THSD4: variants seen among roughly 807,000 people sequenced by gnomAD.
THSD4 encodes thrombospondin type 1 domain containing 4.
In THSD4, 69 loss-of-function variants were observed where a neutral mutation model predicts 119.0. The observed-to-expected ratio is 0.58, with a 90% CI of 0.48 to 0.71. The LOEUF (loss-of-function observed/expected upper bound fraction) is 0.71. Among genes scored for constraint, THSD4 ranks in the 30% least tolerant of loss-of-function variants. The probability of loss-of-function intolerance (pLI) is 0.00; values close to 1 mark genes in which losing one functional copy is unlikely to be tolerated. For synonymous variants in THSD4, 524 were observed against 540.4 expected, an observed-to-expected ratio of 0.97 and a Z score of 0.42; for missense variants, 1,393 against 1,391.1, an observed-to-expected ratio of 1.00 and a Z score of -0.02.
chr15:71,694,035 G>C (rs1033583707), intron 8 of THSD4, among the ~76,000 whole-genome samples: 1 of 151,672 alleles, frequency 6.6e-6, no homozygotes, highest in African/African-American at 2.4e-5. Context: ...AAGAAAGAAA[G>C]AAAGAAAGAA....
At chr15:71,203,181 G>A (rs2043816900) in intron 3 of THSD4, among the ~76,000 whole-genome samples, 1 of 152,114 alleles carries the variant, frequency 6.6e-6, no homozygotes, top group South Asian at 2.1e-4. Context: ...GTGTTCTTGC[G>A]TGGTGTGAGC....
intron 7 of THSD4, among the ~76,000 whole-genome samples, chr15:71,433,456 G>GTT (rs557632746): frequency 9.6e-4 from 128 of 133,958 alleles, no homozygotes; most frequent in Non-Finnish European, 1.3e-3. Context: ...TTTTTTCTTT[G>GTT]TTTTTTTTTT....
At chr15:71,440,168 A>G (rs995248495) in intron 7 of THSD4, among the ~76,000 whole-genome samples, 17 of 152,172 alleles carry the variant, frequency 1.1e-4, no homozygotes, top group African/African-American at 4.1e-4. Context: ...ATTTAAATGG[A>G]CTGAATATGA....
chr15:71,421,670 G>T (rs1416531583), intron 7 of THSD4, among the ~76,000 whole-genome samples: 2 of 151,982 alleles, frequency 1.3e-5, no homozygotes, highest in African/African-American at 4.8e-5. Context: ...TATTGTACTT[G>T]GTCTTTTATA....
intron 7 of THSD4, among the ~76,000 whole-genome samples, chr15:71,624,295 G>T (rs1053404087): frequency 3.3e-5 from 5 of 152,202 alleles, no homozygotes; most frequent in African/African-American, 4.8e-5. Flanking sequence ...TCAGCTCTGA[G>T]TCTCCAGCCT....
intron 7 of THSD4, among the ~76,000 whole-genome samples, chr15:71,617,941 G>A (rs2050347888): frequency 6.6e-6 from 1 of 152,068 alleles, no homozygotes; most frequent in African/African-American, 2.4e-5. Context: ...TCTCAAAGGG[G>A]CCATTTACCA....
chr15:71,187,334 A>G (rs2043618311), intron 3 of THSD4: 1 of 152,490 alleles, frequency 6.6e-6, no homozygotes, highest in African/African-American at 2.4e-5. Flanking sequence ...AGCTTCTATT[A>G]CTCTTGTGCC....
intron 8 of THSD4, among the ~76,000 whole-genome samples, chr15:71,695,790 G>T (rs1355512276): frequency 6.6e-6 from 1 of 152,130 alleles, no homozygotes; most frequent in Non-Finnish European, 1.5e-5. Flanking sequence ...CTTCCTCATT[G>T]TTAGCTCTGT....
chr15:71,540,834 T>C (rs949841459), intron 7 of THSD4, among the ~76,000 whole-genome samples: 3 of 149,836 alleles, frequency 2.0e-5, no homozygotes, highest in South Asian at 4.3e-4. Flanking sequence ...GTGATTCTCC[T>C]GTCTCAGCCT....
chr15:71,543,728 T>C (rs945355341), intron 7 of THSD4, among the ~76,000 whole-genome samples: 4 of 152,150 alleles, frequency 2.6e-5, no homozygotes, highest in Admixed American at 6.5e-5. Context: ...CAGATGGTTG[T>C]AGAGAATCAC....
intron 6 of THSD4, among the ~76,000 whole-genome samples, chr15:71,389,600 G>A (rs1481041396): frequency 6.6e-6 from 1 of 151,824 alleles, no homozygotes; most frequent in African/African-American, 2.4e-5. Flanking sequence ...ATGAATGTGA[G>A]CGTATTCATA....
intron 7 of THSD4, among the ~76,000 whole-genome samples, chr15:71,546,091 G>C (rs2140847909): frequency 6.6e-6 from 1 of 152,276 alleles, no homozygotes; most frequent in South Asian, 2.1e-4. Context: ...TGAGCTCATT[G>C]ATAGTCATCA....
intron 10 of THSD4, among the ~76,000 whole-genome samples, chr15:71,736,714 C>T (rs1370245829): frequency 6.6e-6 from 1 of 152,180 alleles, no homozygotes; most frequent in Non-Finnish European, 1.5e-5. Flanking sequence ...GTGCCCTCCT[C>T]CTCTCTCTGG....
intron 4 of THSD4, among the ~76,000 whole-genome samples, chr15:71,238,880 A>G (rs1189339570): frequency 6.6e-6 from 1 of 152,238 alleles, no homozygotes; most frequent in East Asian, 1.9e-4. Context: ...ATAGTTTTCC[A>G]AAGTGACTAC....
chr15:71,143,693 TTTC>T (rs370953453), intron 2 of THSD4, among the ~76,000 whole-genome samples: 4,085 of 149,774 alleles, frequency 0.027, 201 homozygotes, highest in African/African-American at 0.096. Context: ...TTCTTTTTTT[TTTC>T]TTTCTTTTTT....
At chr15:71,642,811 G>T (rs181966813) in intron 7 of THSD4, among the ~76,000 whole-genome samples, 47 of 151,570 alleles carry the variant, frequency 3.1e-4, no homozygotes, top group Admixed American at 2.6e-3. Context: ...GGGGTGGGGG[G>T]AGTGGGGAGG....
At chr15:71,618,869 T>A (rs1172133632) in intron 7 of THSD4, among the ~76,000 whole-genome samples, 1 of 150,854 alleles carries the variant, frequency 6.6e-6, no homozygotes, top group East Asian at 2.0e-4. Context: ...TAAGCCACCG[T>A]GCACAGCCTC....
intron 7 of THSD4, among the ~76,000 whole-genome samples, chr15:71,466,410 G>A (rs147078900): frequency 6.6e-6 from 1 of 151,426 alleles, no homozygotes; most frequent in Non-Finnish European, 1.5e-5. Flanking sequence ...GGTCAGACAT[G>A]GTTATGCTGA....
intron 6 of THSD4, among the ~76,000 whole-genome samples, chr15:71,361,064 GA>G (rs1280178865): frequency 6.6e-6 from 1 of 152,148 alleles, no homozygotes; most frequent in African/African-American, 2.4e-5. Flanking sequence ...TGTCCTGAAA[GA>G]AAAAGGAGAA....
Sources: gnomAD v4.1 joint callset for allele counts (sites outside exome capture counted in the v4.1 genomes callset) on GRCh38, gnomAD v4.1.1 for gene constraint, MANE v1.5 for transcripts, NCBI Gene and HGNC (gene_info 2026-07-23, HGNC 2026-07-21) for gene names.